ABCC4: variants seen among roughly 807,000 people sequenced by gnomAD.
The protein encoded by ABCC4 is ATP-binding cassette sub-family C member 4.
A neutral mutation model predicts 168.5 loss-of-function variants in ABCC4; 102 were observed. The observed-to-expected ratio is 0.61, with a 90% confidence interval of 0.52 to 0.71. The LOEUF (loss-of-function observed/expected upper bound fraction) is 0.71. ABCC4 is among the 30% of genes least tolerant of loss of function. The pLI is 0.00. For missense variants in ABCC4, 1,402 were observed against 1,605.8 expected (o/e 0.87, Z 2.17); for synonymous variants, 617 against 590.7 (o/e 1.04, Z -0.65).
rs1170707606 is a variant in ABCC4, at chr13:95,177,885, C to T, written c.1641-92G>A. On this transcript the variant is annotated intron_variant, in intron 12 of 30. Transcript: ENST00000645237. ...TCATTCAAATGCCAACAGAATAACC[C>T]AAGAAGGTGCTTCACACAGGACGCA... The T allele has an allele frequency of 8.0e-6, 12 of 1,495,550 alleles. No homozygotes were observed. The South Asian group carries it at 1.3e-4, about 16-fold the overall frequency. 92.6% of individuals were successfully genotyped at this position (1,495,550 alleles called of 1,614,324 possible).
At chr13:95,042,333 C>G (rs9584277) in intron 29 of ABCC4, among the ~76,000 whole-genome samples, 76 of 152,308 alleles carry the variant, frequency 5.0e-4, no homozygotes, top group African/African-American at 1.8e-3. Flanking sequence ...CAAATCTATC[C>G]ATTGCACCAT....
At chr13:95,164,240 G>A in intron 16 of ABCC4, 138 bp downstream of exon 16, 1 of 1,021,142 alleles carries the variant, frequency 9.8e-7, no homozygotes, top group Non-Finnish European at 1.4e-6. Context: ...AACACCAGTA[G>A]GCAGCCCTCA....
intron 4 of ABCC4, among the ~76,000 whole-genome samples, chr13:95,218,981 G>A (rs113952258): frequency 0.17 from 8,924 of 53,414 alleles, 1,061 homozygotes; most frequent in African/African-American, 0.28. Context: ...AAGAAAGAAA[G>A]AAAGAGTGAG....
chr13:95,040,165 A>G (rs2032291851), intron 29 of ABCC4, among the ~76,000 whole-genome samples: 1 of 152,198 alleles, frequency 6.6e-6, no homozygotes, highest in Non-Finnish European at 1.5e-5. Flanking sequence ...GATGAAGGGT[A>G]GGTCCCAGTG....
intron 1 of ABCC4, among the ~76,000 whole-genome samples, chr13:95,253,155 C>A (rs1171848864): frequency 6.6e-6 from 1 of 152,136 alleles, no homozygotes; most frequent in Non-Finnish European, 1.5e-5. Context: ...AGTGCACGGC[C>A]AACCATGACT....
At chr13:95,099,257 A>G (rs1248426187) in intron 20 of ABCC4, among the ~76,000 whole-genome samples, 1 of 152,226 alleles carries the variant, frequency 6.6e-6, no homozygotes, top group Non-Finnish European at 1.5e-5. Flanking sequence ...CCAGCCACAG[A>G]AAAATTATTG....
intron 1 of ABCC4, among the ~76,000 whole-genome samples, chr13:95,280,748 G>A (rs1594434452): frequency 6.6e-6 from 1 of 152,086 alleles, no homozygotes; most frequent in East Asian, 1.9e-4. Flanking sequence ...TTCCTCCCGA[G>A]GAACTGTGGA....
chr13:95,191,767 G>C (rs2038258532), intron 9 of ABCC4, among the ~76,000 whole-genome samples: 1 of 152,130 alleles, frequency 6.6e-6, no homozygotes, highest in Non-Finnish European at 1.5e-5. Flanking sequence ...TTTGCAGTGT[G>C]TCTCTTTCCT....
intron 4 of ABCC4, among the ~76,000 whole-genome samples, chr13:95,224,746 A>C (rs2138724459): frequency 6.6e-6 from 1 of 152,306 alleles, no homozygotes; most frequent in Non-Finnish European, 1.5e-5. Flanking sequence ...CAAAAAAAAA[A>C]AGAAAATAAA....
intron 8 of ABCC4, among the ~76,000 whole-genome samples, chr13:95,200,830 TG>T (rs2038604295): frequency 6.6e-6 from 1 of 152,212 alleles, no homozygotes. Context: ...GTAATTCTGA[TG>T]AACTTGGGGA....
chr13:95,180,319 C>T (rs935098197), intron 11 of ABCC4, among the ~76,000 whole-genome samples: 3 of 151,948 alleles, frequency 2.0e-5, no homozygotes, highest in Admixed American at 6.6e-5. Flanking sequence ...TTTGGGAGGC[C>T]GACACGGGTG....
chr13:95,115,032 A>G (rs1025543175), intron 20 of ABCC4, among the ~76,000 whole-genome samples: 7 of 152,188 alleles, frequency 4.6e-5, no homozygotes, highest in Non-Finnish European at 1.0e-4. Flanking sequence ...GAGATTTTGG[A>G]ATATGTATAG....
At chr13:95,236,552 G>A (rs917753842) in intron 3 of ABCC4, among the ~76,000 whole-genome samples, 1 of 151,948 alleles carries the variant, frequency 6.6e-6, no homozygotes, top group Non-Finnish European at 1.5e-5. Flanking sequence ...GATGGGTCAT[G>A]ATATTAAATC....
chr13:95,099,687 A>C (rs1438662693), intron 20 of ABCC4, among the ~76,000 whole-genome samples: 1 of 152,192 alleles, frequency 6.6e-6, no homozygotes, highest in Non-Finnish European at 1.5e-5. Flanking sequence ...CCTAGAACAA[A>C]AATGGCTCCT....
intron 3 of ABCC4, among the ~76,000 whole-genome samples, chr13:95,236,136 G>A (rs1381201090): frequency 2.6e-5 from 4 of 152,086 alleles, no homozygotes; most frequent in African/African-American, 9.7e-5. Flanking sequence ...CCTGCCAAAT[G>A]AGCACTTCAC....
intron 1 of ABCC4, among the ~76,000 whole-genome samples, chr13:95,300,907 C>A (rs1036086094): frequency 6.6e-6 from 1 of 152,130 alleles, no homozygotes; most frequent in Non-Finnish European, 1.5e-5. Context: ...CAAGAGACTC[C>A]CCCTTTCGGC....
chr13:95,258,654 G>A (rs990028910), intron 1 of ABCC4, among the ~76,000 whole-genome samples: 2 of 152,010 alleles, frequency 1.3e-5, no homozygotes, highest in South Asian at 2.1e-4. Context: ...GGGACCAGGC[G>A]AGCCACTCAA....
chr13:95,132,406 G>A (rs2035999155), intron 19 of ABCC4, among the ~76,000 whole-genome samples: 1 of 152,080 alleles, frequency 6.6e-6, no homozygotes, highest in Admixed American at 6.6e-5. Flanking sequence ...AGTAGAGACA[G>A]GGTTTCACCA....
Position 95,254,364 on chromosome 13 carries a change from T to TA in ABCC4, c.75-6612dup, listed in dbSNP as rs68119068. Among the ~76,000 whole-genome samples the TA allele has an allele frequency of 2.0e-3, 296 of 151,372 alleles. 1 individual carries two copies. Among genetic ancestry groups the TA allele is most frequent in the African/African-American group, 6.7e-3 (278 of 41,302 alleles). ...CTGAAATGATGGTCATAATTTTGCT[T>TA]AAAAAAAAACACAAAAAACATTGCT... On this transcript the variant is annotated intron_variant, in intron 1 of 30. Transcript: ENST00000645237.
Sources: gnomAD v4.1 joint callset for allele counts (sites outside exome capture counted in the v4.1 genomes callset) on GRCh38, gnomAD v4.1.1 for gene constraint, MANE v1.5 for transcripts, NCBI Gene and HGNC (gene_info 2026-07-23, HGNC 2026-07-21) for gene names.